Variants in ZNF35 observed in about 807,000 individuals in gnomAD.
ZNF35 encodes zinc finger protein 35 (clone HF.10).
A neutral mutation model predicts 45.9 loss-of-function variants in ZNF35; 31 were observed. The ratio of observed to expected loss-of-function variants is 0.68; its 90% CI spans 0.51 to 0.91. The LOEUF (loss-of-function observed/expected upper bound fraction) is 0.91, where lower values mean the gene tolerates loss of function less well. Among genes scored for constraint, ZNF35 ranks in the 40% least tolerant of loss-of-function variants. The pLI is 0.00. For missense variants in ZNF35, 515 were observed against 625.4 expected, an observed-to-expected ratio of 0.82 and a Z score of 1.88; for synonymous variants, 205 against 220.2, an observed-to-expected ratio of 0.93 and a Z score of 0.61.
chr3:44,647,878 TG>T (rs1483319145), upstream of ZNF35: 2 of 152,300 alleles, frequency 1.3e-5, no homozygotes, highest in Non-Finnish European at 2.9e-5. Context: ...GGAACACTTG[TG>T]TATCTTGATT....
At chr3:44,647,233 C>T (rs1703004139), upstream of ZNF35, 1 of 150,666 alleles carries the variant, frequency 6.6e-6, no homozygotes, top group Non-Finnish European at 1.5e-5. Context: ...CATCATTAGG[C>T]ATGAGGGAAA....
chr3:44,660,011 T>A lies in ZNF35; in HGVS notation c.*64T>A. ...CCTTCTGCCTCCCTAATGAGACACC[T>A]CTTTGCTGTTTTCTTCCTCCTCTAT... On this transcript the variant is annotated 3_prime_UTR_variant, in exon 4 of 4. Coordinates refer to ENST00000396056, the MANE Select transcript of ZNF35 (RefSeq NM_003420.4). 1 of 1,462,594 alleles carries A rather than the reference T, an allele frequency of 6.8e-7. No individual in the cohort carries two copies. The highest frequency in any genetic ancestry group is 9.1e-7 in the Non-Finnish European group (1 of 1,098,044). 90.6% of individuals were successfully genotyped at this position (1,462,594 alleles called of 1,614,324 possible).
Position 44,659,907 on chromosome 3 carries a change from C to CA in ZNF35, c.1545dup (p.His516ThrfsTer7). On this transcript the variant is annotated frameshift_variant, in exon 4 of 4. Coordinates refer to ENST00000396056, the MANE Select transcript of ZNF35 (RefSeq NM_003420.4). LOFTEE classifies it high-confidence loss of function. The surrounding 1 kb of genome is among the most constrained non-coding windows in gnomAD (Gnocchi z 4.3). Reference sequence around the variant, plus strand: ...TGTGGTGCAGCTTTCATTTCCAACTCACACCTCATGCGACACCATAGAACC... The same window carrying CA: ...TGTGGTGCAGCTTTCATTTCCAACTCAACACCTCATGCGACACCATAGAACC... 2.5e-6 allele frequency: 4 copies of CA among 1,591,092 alleles called. No individual in the cohort carries two copies. The highest frequency in any genetic ancestry group is 3.4e-6 in the Non-Finnish European group (4 of 1,168,334).
At chr3:44,655,480 T>C (rs1025214128) in intron 3 of ZNF35, among the ~76,000 whole-genome samples, 3 of 152,202 alleles carry the variant, frequency 2.0e-5, no homozygotes, top group Non-Finnish European at 2.9e-5. Context: ...TGTGTTCTAG[T>C]TGGTCACAAA....
intron 1 of ZNF35, 44 bp from the exon 2 acceptor site, chr3:44,650,874 GGCAAATTTGCTAAGTGGCATCCA>G (rs747155203): frequency 6.1e-4 from 326 of 535,678 alleles, no homozygotes; most frequent in Non-Finnish European, 9.5e-4. Context: ...TGTGGCATCC[GGCAAATTTGCTAAGTGGCATCCA>G]GCAAATCTCT....
rs538793692 is a variant in ZNF35 at position 44,659,281 on chromosome 3, T to G, written c.918T>G (p.Phe306Leu). ...AAATCCACTCCTTAGAAAAAACTTT[T>G]AAGTGCAATGAATGTGAGAAAGCCT... Reference protein sequence around the residue: ...HQKIHSLEKTFKCNECEKAFS... With the variant: ...HQKIHSLEKTLKCNECEKAFS... Residue 306 changes from phenylalanine to leucine, a missense_variant, in exon 4 of 4, where the codon TTT becomes TTG. Phe to Leu is a conservative substitution (Grantham distance 22, BLOSUM62 0). Around this residue, in one of 3 missense-constraint regions of ZNF35, gnomAD observed 232 missense variants for 304.6 expected, o/e 0.76. Transcript: ENST00000396056. This position sits in a 1 kb window ranked among gnomAD's most constrained non-coding sequence, Gnocchi z 4.3. 7 of 1,613,918 alleles carry G rather than the reference T, an allele frequency of 4.3e-6. No homozygotes were observed. The East Asian group carries it at 1.3e-4, about 31-fold the overall frequency.
intron 3 of ZNF35, among the ~76,000 whole-genome samples, chr3:44,657,445 C>CA (rs752512756): frequency 1.8e-4 from 27 of 152,174 alleles, no homozygotes; most frequent in Non-Finnish European, 3.2e-4. Flanking sequence ...CTTAAGGGTT[C>CA]ACTGTGCCAA....
intron 1 of ZNF35, among the ~76,000 whole-genome samples, 186 bp downstream of exon 1, chr3:44,649,020 G>C (rs1868603): frequency 0.12 from 18,636 of 152,264 alleles, 1,173 homozygotes; most frequent in Middle Eastern, 0.19. Context: ...CTGGGGCCTG[G>C]TCCGGGAGAG....
In ZNF35 at chr3:44,659,048, A is replaced by T; in HGVS notation, c.685A>T (p.Lys229Ter). 6.2e-7 allele frequency: 1 copy of T among 1,614,262 alleles called. No individual in the cohort carries two copies. The change falls in exon 4 of 4, where the codon AAA becomes TAA. Residue 229 changes from lysine to a stop codon, truncating the protein, a stop_gained. Transcript: ENST00000396056. LOFTEE classifies it high-confidence loss of function. The surrounding 1 kb of genome is among the most constrained non-coding windows in gnomAD (Gnocchi z 4.3). Reference sequence around the variant, plus strand: ...GCCTTTTACGTGTAGCGTGTGTGGGAAAGGATTTAGTCAGAGTGCAAACCT... The same window carrying T: ...GCCTTTTACGTGTAGCGTGTGTGGGTAAGGATTTAGTCAGAGTGCAAACCT... ...QKPFTCSVCG[K>*]GFSQSANLVV...
In ZNF35 at chr3:44,652,711, A is replaced by G; in HGVS notation, c.337+10A>G. On this transcript the variant is annotated intron_variant, in intron 3 of 3. Coordinates refer to ENST00000396056, the MANE Select transcript of ZNF35 (RefSeq NM_003420.4). The stretch of plus-strand genomic sequence containing the variant: ...ACCATGAACTTTCTAGGTATGGTTC[A>G]GTTCCCTGATTCTGAATCTGACCAT... The G allele has an allele frequency of 1.3e-6, 2 of 1,549,430 alleles. No individual in the cohort carries two copies. The highest frequency in any genetic ancestry group is 1.7e-6 in the Non-Finnish European group (2 of 1,150,940).
chr3:44,658,766 C>T lies in ZNF35; in HGVS notation c.403C>T (p.Pro135Ser), dbSNP rs532535433. Residue 135 changes from proline (P) to serine (S), a missense_variant, in exon 4 of 4, where the codon CCC becomes TCC. By Grantham distance (74) the Pro-to-Ser change is moderately conservative (BLOSUM62 -1). Coordinates refer to ENST00000396056, the MANE Select transcript of ZNF35 (RefSeq NM_003420.4). ...TGAGATATGTGAGGAAGCTGAAAAA[C>T]CCCTCATCATATCAGAAAGAATCCA... is the stretch of plus-strand genomic sequence containing the variant. The part of the protein sequence containing the change: ...KTEICEEAEK[P>S]LIISERIQKA... 18 of 1,601,078 alleles carry T rather than the reference C, an allele frequency of 1.1e-5. 1 individual carries two copies. The South Asian group carries it at 1.8e-4, about 16-fold the overall frequency.
intron 1 of ZNF35, among the ~76,000 whole-genome samples, chr3:44,649,347 T>C (rs1261519244): frequency 6.6e-6 from 1 of 152,222 alleles, no homozygotes; most frequent in Non-Finnish European, 1.5e-5. Flanking sequence ...AATGAAAGTA[T>C]TGCATTACTT....
At position 44,659,655 on chromosome 3, in the gene ZNF35, C is replaced by G. The variant is rs1559485442; in HGVS notation, c.1292C>G (p.Ser431Cys). ...TGTGGGAAAGCCTTCAGTCAGCTCT[C>G]TTGCCTTATTGTCCACCAGAGAATT... ...SECGKAFSQL[S>C]CLIVHQRIHS... The change falls in exon 4 of 4, where the codon TCT becomes TGT. Residue 431 changes from serine (S) to cysteine (C), a missense_variant. Around this residue, in one of 3 missense-constraint regions of ZNF35, gnomAD observed 232 missense variants for 304.6 expected, o/e 0.76. Coordinates refer to ENST00000396056, the MANE Select transcript of ZNF35 (RefSeq NM_003420.4). This position sits in a 1 kb window ranked among gnomAD's most constrained non-coding sequence, Gnocchi z 4.3. The G allele has an allele frequency of 1.9e-6, 3 of 1,614,094 alleles. No homozygotes were observed. The Admixed American group carries it at 5.0e-5, about 27-fold the overall frequency.
intron 3 of ZNF35, among the ~76,000 whole-genome samples, chr3:44,656,671 G>T (rs1322091852): frequency 6.7e-6 from 1 of 148,648 alleles, no homozygotes; most frequent in Non-Finnish European, 1.5e-5. Flanking sequence ...GGGATTACAT[G>T]AGCCACTGCA....
chr3:44,656,435 G>A (rs894064102), intron 3 of ZNF35, among the ~76,000 whole-genome samples: 1 of 151,228 alleles, frequency 6.6e-6, no homozygotes, highest in South Asian at 2.1e-4. Context: ...CTGCTGCCCA[G>A]GCTGGAGTGC....
At chr3:44,657,145 G>A (rs1703324162) in intron 3 of ZNF35, among the ~76,000 whole-genome samples, 1 of 152,156 alleles carries the variant, frequency 6.6e-6, no homozygotes, top group African/African-American at 2.4e-5. Flanking sequence ...ATCAAACCAG[G>A]CTGTTTTCCT....
At chr3:44,657,188 C>T (rs1181852062) in intron 3 of ZNF35, among the ~76,000 whole-genome samples, 1 of 152,190 alleles carries the variant, frequency 6.6e-6, no homozygotes, top group Admixed American at 6.5e-5. Context: ...ACCCCAACAT[C>T]CTTGTCCCAC....
At chr3:44,650,438 C>A (rs1031684042) in intron 1 of ZNF35, among the ~76,000 whole-genome samples, 1 of 152,080 alleles carries the variant, frequency 6.6e-6, no homozygotes, top group Non-Finnish European at 1.5e-5. Context: ...TATTTTGTAT[C>A]CTTGGCAATA....
In ZNF35 at chr3:44,660,035, A is replaced by G. The variant is rs1243994733; in HGVS notation, c.*88A>G. The G allele has an allele frequency of 1.1e-5, 15 of 1,369,022 alleles. No homozygotes were observed. The East Asian group carries it at 2.6e-4, about 23-fold the overall frequency. The allele number at this position is 1,369,022 out of a possible 1,614,324, so 84.8% of individuals were successfully genotyped here. A position where few individuals can be genotyped will look rare whatever the true frequency, so the allele number is the denominator to read the frequency against. On this transcript the variant is annotated 3_prime_UTR_variant, in exon 4 of 4. Coordinates refer to ENST00000396056, the MANE Select transcript of ZNF35 (RefSeq NM_003420.4). The stretch of plus-strand genomic sequence containing the variant: ...CTCTTTGCTGTTTTCTTCCTCCTCT[A>G]TAAAAGTGAGGGCTGTGTCCTTAAA...
Sources: gnomAD v4.1 joint callset for allele counts (sites outside exome capture counted in the v4.1 genomes callset) on GRCh38, gnomAD v4.1.1 for gene constraint, gnomAD v4.1.1 regional missense constraint, Gnocchi (gnomAD v3.1) non-coding constraint, MANE v1.5 for transcripts, NCBI Gene and HGNC (gene_info 2026-07-23, HGNC 2026-07-21) for gene names.